Variants in LARP4B observed in about 807,000 individuals in gnomAD.
LARP4B encodes la-related protein 4B.
A neutral mutation model predicts 89.8 loss-of-function variants in LARP4B; 12 were observed. The observed-to-expected ratio is 0.13, with a 90% CI of 0.09 to 0.22. The LOEUF is 0.22. Ranked by LOEUF, LARP4B falls within the 10% of genes least tolerant of loss-of-function variation. The probability of loss-of-function intolerance (pLI) is 1.00; values close to 1 mark genes in which losing one functional copy is unlikely to be tolerated. For missense variants in LARP4B, 757 were observed against 947.7 expected, an observed-to-expected ratio of 0.80 and a Z score of 2.64; for synonymous variants, 367 against 363.3, an observed-to-expected ratio of 1.01 and a Z score of -0.12.
intron 1 of LARP4B, among the ~76,000 whole-genome samples, chr10:907,220 G>A (rs931436830): frequency 5.3e-5 from 8 of 152,140 alleles, no homozygotes; most frequent in East Asian, 3.8e-4. Context: ...GTACCTAAAC[G>A]AGTAAAATCT....
intron 1 of LARP4B, among the ~76,000 whole-genome samples, chr10:889,778 C>T (rs1835963205): frequency 6.6e-6 from 1 of 152,098 alleles, no homozygotes; most frequent in African/African-American, 2.4e-5. Context: ...GGTGAAACCC[C>T]ATCTCTACTA....
At chr10:820,754 T>C (rs758449913) in intron 14 of LARP4B, 46 bp downstream of exon 14, 213 of 1,502,656 alleles carry the variant, frequency 1.4e-4, no homozygotes, top group Non-Finnish European at 1.4e-4. Context: ...TTGGTATAAA[T>C]TAGATTTAAA....
chr10:849,076 A>G (rs915942102), intron 5 of LARP4B, among the ~76,000 whole-genome samples: 3 of 152,186 alleles, frequency 2.0e-5, no homozygotes, highest in African/African-American at 7.2e-5. Flanking sequence ...AGCCACCTCA[A>G]GGTAGACTGT....
At chr10:911,813 C>G (rs1025637307) in intron 1 of LARP4B, among the ~76,000 whole-genome samples, 2 of 152,168 alleles carry the variant, frequency 1.3e-5, no homozygotes, top group African/African-American at 4.8e-5. Context: ...TTCGGGATTA[C>G]TTTACACTGT....
chr10:870,308 C>T (rs1015561533), intron 3 of LARP4B, among the ~76,000 whole-genome samples: 6 of 152,190 alleles, frequency 3.9e-5, no homozygotes, highest in African/African-American at 1.4e-4. Flanking sequence ...TTCTGGGAAA[C>T]TCTGCCAATC....
intron 5 of LARP4B, among the ~76,000 whole-genome samples, chr10:862,509 A>G (rs1007770943): frequency 5.9e-5 from 9 of 152,242 alleles, no homozygotes; most frequent in Admixed American, 2.6e-4. Context: ...GGTAATAAAA[A>G]TGAAAACATG....
At chr10:917,004 A>T (rs555605091) in intron 1 of LARP4B, among the ~76,000 whole-genome samples, 1 of 152,230 alleles carries the variant, frequency 6.6e-6, no homozygotes, top group Admixed American at 6.5e-5. Context: ...GGTGGTAAGT[A>T]CTCTTGAATA....
intron 1 of LARP4B, among the ~76,000 whole-genome samples, chr10:930,783 G>A (rs1837277254): frequency 6.6e-6 from 1 of 152,092 alleles, no homozygotes. Flanking sequence ...AACACACACC[G>A]AGCAACAGGA....
In LARP4B at chr10:907,572, G is replaced by T. The variant is rs1836526782; in HGVS notation, c.-39-21812C>A. Among the ~76,000 whole-genome samples, 3 of 152,184 alleles carry T rather than the reference G, an allele frequency of 2.0e-5. No homozygotes were observed. The South Asian group carries it at 6.2e-4, about 32-fold the overall frequency. ...ATTATCAAAACAAATCACTAAAGAA[G>T]TTCCGAAGTGGCAAACACATACTGA... On this transcript the variant is annotated intron_variant, in intron 1 of 17. Coordinates refer to ENST00000316157, the MANE Select transcript of LARP4B (RefSeq NM_015155.3).
chr10:929,702 CCT>C (rs1218729805), intron 1 of LARP4B, among the ~76,000 whole-genome samples: 35 of 152,270 alleles, frequency 2.3e-4, no homozygotes, highest in African/African-American at 5.3e-4. Context: ...TCATCATCCC[CCT>C]GTTACAATTG....
intron 3 of LARP4B, among the ~76,000 whole-genome samples, chr10:883,989 G>C (rs1835776505): frequency 6.6e-6 from 1 of 152,144 alleles, no homozygotes; most frequent in Admixed American, 6.6e-5. Context: ...TGCAAATGAT[G>C]AAAGGTAGGA....
chr10:827,200 C>T (rs578022551), intron 11 of LARP4B, among the ~76,000 whole-genome samples: 38 of 152,146 alleles, frequency 2.5e-4, no homozygotes, highest in Middle Eastern at 3.4e-3. Context: ...GGCGTGAACC[C>T]GGGAGGCGGA....
the LARP4B span, among the ~76,000 whole-genome samples, chr10:974,596 G>C: frequency 2.6e-5 from 4 of 152,208 alleles, no homozygotes; most frequent in South Asian, 8.3e-4. Context: ...CGTGCACACT[G>C]TCATCTGGAA....
intron 3 of LARP4B, chr10:870,018 G>A (rs1835120972): frequency 1.0e-6 from 1 of 982,064 alleles, no homozygotes; most frequent in South Asian, 4.7e-5. Context: ...CTTACGAACT[G>A]TCCGTCTCTA....
chr10:840,769 G>C (rs1042016589), intron 7 of LARP4B, among the ~76,000 whole-genome samples: 3 of 152,180 alleles, frequency 2.0e-5, no homozygotes, highest in Admixed American at 6.5e-5. Context: ...ACAATCTTGA[G>C]TTTAATTTGT....
chr10:844,676 G>A (rs879783310), intron 6 of LARP4B, among the ~76,000 whole-genome samples: 1 of 151,740 alleles, frequency 6.6e-6, no homozygotes, highest in South Asian at 2.1e-4. Flanking sequence ...CAGAAACAAC[G>A]TGGCACACTT....
chr10:889,341 G>C (rs762524656), intron 1 of LARP4B, among the ~76,000 whole-genome samples: 1 of 152,024 alleles, frequency 6.6e-6, no homozygotes, highest in African/African-American at 2.4e-5. Context: ...AACCATCCCC[G>C]AGAGGACACC....
intron 13 of LARP4B, among the ~76,000 whole-genome samples, chr10:823,719 T>C (rs1832473742): frequency 6.6e-6 from 1 of 151,488 alleles, no homozygotes; most frequent in Non-Finnish European, 1.5e-5. Flanking sequence ...TCTGCAACCC[T>C]CCTCCCTCCA....
At chr10:816,530 A>C (rs1832066297) in intron 15 of LARP4B, among the ~76,000 whole-genome samples, 1 of 152,218 alleles carries the variant, frequency 6.6e-6, no homozygotes, top group Non-Finnish European at 1.5e-5. Context: ...GAAACCTTAC[A>C]CAAGACTCAA....
Sources: allele counts gnomAD v4.1 joint callset (sites outside exome capture counted in the v4.1 genomes callset), GRCh38; gene constraint gnomAD v4.1.1; transcripts MANE v1.5; gene names NCBI Gene and HGNC (gene_info 2026-07-23, HGNC 2026-07-21).